ADGRE1: variants seen among roughly 807,000 people sequenced by gnomAD.
ADGRE1 encodes the protein EGF-like module receptor 1.
In ADGRE1, 82 loss-of-function variants were observed where a neutral mutation model predicts 102.7. That is an observed-to-expected ratio of 0.80 (90% CI 0.67 to 0.96). ADGRE1 has a LOEUF of 0.96. Among genes scored for constraint, ADGRE1 ranks in the 40% least tolerant of loss-of-function variants. ADGRE1 has a pLI of 0.00. For synonymous variants in ADGRE1, 398 were observed against 399.6 expected, an observed-to-expected ratio of 1.00 and a Z score of 0.05; for missense variants, 1,032 against 1,085.3, an observed-to-expected ratio of 0.95 and a Z score of 0.69.
At position 6,908,683 on chromosome 19, in the gene ADGRE1, A is replaced by G; in HGVS notation, c.1039-6A>G. The G allele has an allele frequency of 6.5e-7, 1 of 1,534,756 alleles. No individual in the cohort carries two copies. The highest frequency in any genetic ancestry group is 2.3e-5 in the East Asian group (1 of 42,564). ...AATGCTCTTTTTTTTTTTTTCTGGG[A>G]CGCAGGTCTCCTTTTGTGCACAAAT... On this transcript the variant is annotated splice_polypyrimidine_tract_variant and splice_region_variant and intron_variant, in intron 9 of 20. Transcript: ENST00000312053.
intron 9 of ADGRE1, among the ~76,000 whole-genome samples, chr19:6,907,403 A>G (rs1204764040): frequency 6.8e-6 from 1 of 148,088 alleles, no homozygotes; most frequent in Non-Finnish European, 1.5e-5. Flanking sequence ...CAGTGGGGTG[A>G]TCTTGGCTCA....
intron 14 of ADGRE1, among the ~76,000 whole-genome samples, chr19:6,922,659 A>C (rs866749711): frequency 1.7e-4 from 23 of 133,076 alleles, no homozygotes; most frequent in African/African-American, 5.1e-4. Flanking sequence ...CACACACACA[A>C]ACAAAAAGAA....
intron 2 of ADGRE1, chr19:6,895,675 G>A (rs1035244016): frequency 1.3e-5 from 2 of 152,086 alleles, no homozygotes; most frequent in African/African-American, 4.8e-5. Flanking sequence ...GGATACTTTG[G>A]GTAGCAAGGA....
intron 16 of ADGRE1, among the ~76,000 whole-genome samples, chr19:6,927,855 C>A (rs931579145): frequency 3.9e-5 from 6 of 151,922 alleles, no homozygotes; most frequent in Non-Finnish European, 7.4e-5. Context: ...ATAAGGTGTA[C>A]CAGTGGAGAG....
In ADGRE1 at chr19:6,921,867, C is replaced by T. The variant is rs367934977; in HGVS notation, c.1775C>T (p.Ala592Val). The T allele has an allele frequency of 5.0e-6, 8 of 1,613,542 alleles. No individual in the cohort carries two copies. In the East Asian group the frequency reaches 6.7e-5, roughly 13 times the overall value. Residue 592 changes from alanine (A) to valine (V), a missense_variant, in exon 14 of 21, where the codon GCG (alanine) becomes GTG (valine). By Grantham distance (64) the Ala-to-Val change is moderately conservative. Coordinates refer to ENST00000312053, the MANE Select transcript of ADGRE1 (RefSeq NM_001974.5). ...NQMANLAVIM[A>V]SGELTMDFSL... ...ATGGCAAATCTTGCCGTTATCATGGCGTCTGGGGAGCTCACGGTCAGTACT... is the reference window on the plus strand; with the variant it reads ...ATGGCAAATCTTGCCGTTATCATGGTGTCTGGGGAGCTCACGGTCAGTACT...
At position 6,893,124 on chromosome 19, in the gene ADGRE1, ACATAATGTCCTC is replaced by A. The variant is rs1973436635; in HGVS notation, c.94+2584_94+2595del. On this transcript the variant is annotated intron_variant, in intron 2 of 20. Transcript: ENST00000312053. ...TTCTGTGTCTGGTTTATTTCACTTA[ACATAATGTCCTC>A]CAGTCCTCCAGTTCCATCCATGTTT... Among the ~76,000 whole-genome samples, 4 of 152,310 alleles carry A rather than the reference ACATAATGTCCTC, an allele frequency of 2.6e-5. No individual in the cohort carries two copies. In the South Asian group the frequency reaches 8.3e-4, roughly 32 times the overall value.
intron 14 of ADGRE1, among the ~76,000 whole-genome samples, chr19:6,922,092 A>T (rs1974692394): frequency 1.3e-5 from 2 of 152,184 alleles, no homozygotes; most frequent in South Asian, 4.1e-4. Context: ...TACAATGAGA[A>T]ATAATGACCC....
At chr19:6,908,303 G>A (rs1024971290) in intron 9 of ADGRE1, among the ~76,000 whole-genome samples, 9 of 152,176 alleles carry the variant, frequency 5.9e-5, no homozygotes, top group East Asian at 1.9e-4. Flanking sequence ...TAATAAATAC[G>A]TGGGTAAACC....
At chr19:6,899,708 G>T (rs1973696599) in intron 5 of ADGRE1, among the ~76,000 whole-genome samples, 1 of 151,360 alleles carries the variant, frequency 6.6e-6, no homozygotes, top group Non-Finnish European at 1.5e-5. Flanking sequence ...ACAACAAGAA[G>T]AACAAAACAC....
At chr19:6,906,782 TC>T (rs1237541761) in intron 9 of ADGRE1, among the ~76,000 whole-genome samples, 1 of 152,148 alleles carries the variant, frequency 6.6e-6, no homozygotes, top group Non-Finnish European at 1.5e-5. Flanking sequence ...ACATCTGCAT[TC>T]CAGCTTGTGG....
chr19:6,923,037 A>G (rs554224861), intron 14 of ADGRE1, among the ~76,000 whole-genome samples: 1 of 152,158 alleles, frequency 6.6e-6, no homozygotes, highest in Admixed American at 6.6e-5. Flanking sequence ...AGATCATGCC[A>G]CTGTACTCCA....
chr19:6,918,311 G>T (rs1974480579), intron 12 of ADGRE1, among the ~76,000 whole-genome samples: 1 of 151,912 alleles, frequency 6.6e-6, no homozygotes, highest in African/African-American at 2.4e-5. Context: ...TGTGGTCTCG[G>T]GTGCCTGTAA....
At chr19:6,933,361 G>A (rs1308317969) in intron 17 of ADGRE1, among the ~76,000 whole-genome samples, 2 of 151,840 alleles carry the variant, frequency 1.3e-5, no homozygotes, top group Non-Finnish European at 2.9e-5. Flanking sequence ...TTCCCTCTAA[G>A]GGGAAGTTGG....
chr19:6,909,143 AAAAAG>A (rs915215463), intron 10 of ADGRE1, among the ~76,000 whole-genome samples: 4 of 152,126 alleles, frequency 2.6e-5, no homozygotes, highest in Admixed American at 2.6e-4. Flanking sequence ...CAAAAAAAAA[AAAAAG>A]AAAGAAAGAA....
At chr19:6,913,532 G>T (rs867087720) in intron 10 of ADGRE1, 121 bp from the exon 11 acceptor site, 88 of 899,344 alleles carry the variant, frequency 9.8e-5, no homozygotes, top group Middle Eastern at 7.2e-4. Flanking sequence ...AGCCCGAGTG[G>T]ATGCCCCTTT....
chr19:6,905,932 T>C (rs2144921693), intron 8 of ADGRE1, among the ~76,000 whole-genome samples: 1 of 152,286 alleles, frequency 6.6e-6, no homozygotes, highest in East Asian at 1.9e-4. Context: ...ATTTTGTGTT[T>C]ATTATTTCCC....
At chr19:6,937,470 A>G (rs1361801788) in intron 19 of ADGRE1, 59 bp downstream of exon 19, 1 of 625,040 alleles carries the variant, frequency 1.6e-6, no homozygotes, top group Non-Finnish European at 2.0e-6. Context: ...CCCCTTCCCC[A>G]CCGCATCCCT....
At chr19:6,935,984 G>A (rs1379266742) in intron 18 of ADGRE1, among the ~76,000 whole-genome samples, 1 of 152,096 alleles carries the variant, frequency 6.6e-6, no homozygotes, top group East Asian at 1.9e-4. Flanking sequence ...GGTCAATTGT[G>A]TTTCCTAACT....
intron 14 of ADGRE1, among the ~76,000 whole-genome samples, chr19:6,922,419 T>A (rs993438537): frequency 2.0e-5 from 3 of 151,836 alleles, no homozygotes; most frequent in Non-Finnish European, 4.4e-5. Context: ...ATCGAGACCA[T>A]CCTGGCCAAC....
Sources: gnomAD v4.1 joint callset for allele counts (sites outside exome capture counted in the v4.1 genomes callset) on GRCh38, gnomAD v4.1.1 for gene constraint, MANE v1.5 for transcripts, NCBI Gene and HGNC (gene_info 2026-07-23, HGNC 2026-07-21) for gene names.